Variants in KRABD5 observed in about 807,000 individuals in gnomAD.
The protein encoded by KRABD5 is KRAB domain containing 5.
chr16:31,715,162 G>C, the KRABD5 span, among the ~76,000 whole-genome samples: 238 of 152,292 alleles, frequency 1.6e-3, no homozygotes, highest in Non-Finnish European at 2.9e-3. Flanking sequence ...CAGGCTGTGG[G>C]TGGGACAAAC....
the KRABD5 span, among the ~76,000 whole-genome samples, chr16:31,747,214 C>T: frequency 3.0e-5 from 4 of 134,650 alleles, no homozygotes; most frequent in East Asian, 1.1e-3. Context: ...TTGTTCAATT[C>T]CCACCTATGA....
At chr16:31,754,914 G>C in the KRABD5 span, 3 of 449,184 alleles carry the variant, frequency 6.7e-6, no homozygotes, top group Non-Finnish European at 1.4e-5. Flanking sequence ...TTCAATTCTA[G>C]TTCATATTTT....
At chr16:31,727,497 T>C in the KRABD5 span, among the ~76,000 whole-genome samples, 1 of 152,256 alleles carries the variant, frequency 6.6e-6, no homozygotes, top group Middle Eastern at 3.2e-3. Flanking sequence ...CATGTACTTA[T>C]ATACCCACTT....
chr16:31,729,126 A>C, the KRABD5 span, among the ~76,000 whole-genome samples: 3 of 152,188 alleles, frequency 2.0e-5, no homozygotes, highest in Admixed American at 2.0e-4. Context: ...TATCATTTGT[A>C]TGGAATATCC....
At chr16:31,722,690 C>T in the KRABD5 span, 1 of 1,613,306 alleles carries the variant, frequency 6.2e-7, no homozygotes, top group Non-Finnish European at 8.5e-7. Context: ...CACCTGGACT[C>T]AGATCAGAAG....
the KRABD5 span, among the ~76,000 whole-genome samples, chr16:31,731,854 A>T: frequency 6.6e-6 from 1 of 152,104 alleles, no homozygotes; most frequent in Non-Finnish European, 1.5e-5. Flanking sequence ...GTCAGTGTTG[A>T]CAGTTCTACA....
At chr16:31,720,610 T>C in the KRABD5 span, among the ~76,000 whole-genome samples, 23 of 152,274 alleles carry the variant, frequency 1.5e-4, no homozygotes, top group East Asian at 2.5e-3. Flanking sequence ...TTTACTTTTT[T>C]CCCCCACTAA....
chr16:31,727,045 A>G, the KRABD5 span, among the ~76,000 whole-genome samples: 1 of 152,220 alleles, frequency 6.6e-6, no homozygotes. Context: ...TGATGCTATT[A>G]TAAATTGGAT....
At chr16:31,748,299 G>T in the KRABD5 span, among the ~76,000 whole-genome samples, 8 of 152,156 alleles carry the variant, frequency 5.3e-5, no homozygotes, top group Admixed American at 5.2e-4. Context: ...TCAGATAGTT[G>T]TAGATATGCG....
At chr16:31,728,049 T>G in the KRABD5 span, among the ~76,000 whole-genome samples, 1 of 152,090 alleles carries the variant, frequency 6.6e-6, no homozygotes, top group Non-Finnish European at 1.5e-5. Flanking sequence ...AGAGAAGGGT[T>G]TCATTATGTT....
At chr16:31,752,813 G>A in the KRABD5 span, among the ~76,000 whole-genome samples, 1 of 152,174 alleles carries the variant, frequency 6.6e-6, no homozygotes, top group Non-Finnish European at 1.5e-5. Flanking sequence ...GTTCCAGTGA[G>A]CTATGATTGT....
chr16:31,722,653 A>T, the KRABD5 span: 1 of 1,613,572 alleles, frequency 6.2e-7, no homozygotes, highest in South Asian at 1.1e-5. Context: ...GGATGTGGCC[A>T]TAGAATTCTC....
At chr16:31,760,621 AGC>A in the KRABD5 span, 1 of 150,944 alleles carries the variant, frequency 6.6e-6, no homozygotes, top group African/African-American at 2.4e-5. Flanking sequence ...TGGAAATTGC[AGC>A]AGGAGGAAAT....
the KRABD5 span, chr16:31,754,487 T>G: frequency 3.1e-6 from 2 of 638,676 alleles, no homozygotes; most frequent in Non-Finnish European, 5.8e-6. Context: ...TGATACAACA[T>G]TAAGCCAAGG....
At chr16:31,713,867 A>G in the KRABD5 span, among the ~76,000 whole-genome samples, 1 of 152,176 alleles carries the variant, frequency 6.6e-6, no homozygotes, top group Non-Finnish European at 1.5e-5. Context: ...GATTGGTGAA[A>G]TGGGAAGCCT....
chr16:31,739,522 TG>T, the KRABD5 span, among the ~76,000 whole-genome samples: 58 of 152,314 alleles, frequency 3.8e-4, no homozygotes, highest in African/African-American at 1.4e-3. Flanking sequence ...TAATGTGTCT[TG>T]TTGTGGATCT....
chr16:31,742,396 C>G, the KRABD5 span, among the ~76,000 whole-genome samples: 14 of 152,112 alleles, frequency 9.2e-5, no homozygotes, highest in African/African-American at 3.1e-4. Flanking sequence ...CACTTATAAG[C>G]GAGAACATGC....
chr16:31,743,065 G>A, the KRABD5 span, among the ~76,000 whole-genome samples: 2 of 151,988 alleles, frequency 1.3e-5, no homozygotes, highest in African/African-American at 4.8e-5. Flanking sequence ...TTAGACCTTT[G>A]TCAGATGGGT....
the KRABD5 span, among the ~76,000 whole-genome samples, chr16:31,746,089 T>C: frequency 2.0e-5 from 3 of 152,202 alleles, no homozygotes; most frequent in Admixed American, 2.0e-4. Context: ...GTCTGTGTCT[T>C]TTAATTGAGA....
Sources: allele counts gnomAD v4.1 joint callset (sites outside exome capture counted in the v4.1 genomes callset), GRCh38; gene constraint gnomAD v4.1.1; transcripts MANE v1.5; gene names NCBI Gene and HGNC (gene_info 2026-07-23, HGNC 2026-07-21).